The following FBXL5 variants were observed in gnomAD, a reference collection of about 807,000 sequenced individuals.
FBXL5 encodes the protein F-box and leucine rich repeat protein 5.
A neutral mutation model predicts 78.3 loss-of-function variants in FBXL5; 26 were observed. The observed-to-expected ratio is 0.33, with a 90% CI of 0.24 to 0.46. FBXL5 has a LOEUF of 0.46. Among genes scored for constraint, FBXL5 ranks in the 20% least tolerant of loss-of-function variants. The pLI is 1.00. For synonymous variants in FBXL5, 295 were observed against 282.5 expected, an observed-to-expected ratio of 1.04 and a Z score of -0.45; for missense variants, 710 against 829.2, an observed-to-expected ratio of 0.86 and a Z score of 1.77.
At chr4:15,676,593 A>G (rs1167802121) in intron 1 of FBXL5, among the ~76,000 whole-genome samples, 3 of 152,166 alleles carry the variant, frequency 2.0e-5, no homozygotes, top group Non-Finnish European at 4.4e-5. Flanking sequence ...AACACTCAAT[A>G]TTAGATATTA....
chr4:15,651,003 C>G (rs1236477311), intron 1 of FBXL5, among the ~76,000 whole-genome samples: 3 of 152,066 alleles, frequency 2.0e-5, no homozygotes, highest in Non-Finnish European at 2.9e-5. Flanking sequence ...AACTGATTCT[C>G]AAAAGTGGTA....
intron 1 of FBXL5, among the ~76,000 whole-genome samples, chr4:15,670,914 CTTTTTTTTTTTTT>C (rs57312794): frequency 2.6e-4 from 14 of 54,144 alleles, no homozygotes; most frequent in African/African-American, 1.1e-3. Context: ...TGTGCGTAGA[CTTTTTTTTTTTTT>C]TTTTTTTTTT....
At chr4:15,657,106 CT>C (rs1717023813), upstream of FBXL5, among the ~76,000 whole-genome samples, 1 of 152,178 alleles carries the variant, frequency 6.6e-6, no homozygotes, top group Admixed American at 6.5e-5. Flanking sequence ...GTTTCTCGTT[CT>C]TTTGCCAGGA....
chr4:15,679,562 C>CA (rs1202369624), intron 1 of FBXL5, among the ~76,000 whole-genome samples: 16,022 of 94,222 alleles, frequency 0.17, 983 homozygotes, highest in African/African-American at 0.25. Flanking sequence ...AGTTCAGGAA[C>CA]AAAAAAAAAA....
At chr4:15,655,911 C>G (rs2148742943), upstream of FBXL5, among the ~76,000 whole-genome samples, 1 of 152,348 alleles carries the variant, frequency 6.6e-6, no homozygotes, top group South Asian at 2.1e-4. Context: ...GGTTGGTGAA[C>G]CAGAGCTGCG....
Position 15,618,177 on chromosome 4 carries a change from C to T in FBXL5, c.1851-5763G>A, listed in dbSNP as rs796117247. On this transcript the variant is annotated intron_variant, in intron 9 of 10. Coordinates refer to ENST00000341285, the MANE Select transcript of FBXL5 (RefSeq NM_012161.4). ...GCTAGATTAAGAAAAAAAGAGAAGA[C>T]ACAAATTACCAAAGTCAGAAATGAA... Among the ~76,000 whole-genome samples the T allele has an allele frequency of 4.6e-5, 7 of 151,970 alleles. 1 individual carries two copies. The highest frequency in any genetic ancestry group is 1.7e-4 in the African/African-American group (7 of 41,372).
Position 15,627,709 on chromosome 4 carries a change from G to C in FBXL5, c.1041+176C>G, listed in dbSNP as rs541483523. Among the ~76,000 whole-genome samples the C allele has an allele frequency of 2.0e-5, 3 of 152,284 alleles. No individual in the cohort carries two copies. In the East Asian group the frequency reaches 5.8e-4, roughly 29 times the overall value. On this transcript the variant is annotated intron_variant, in intron 7 of 10. Transcript: ENST00000341285. The stretch of plus-strand genomic sequence containing the variant: ...TAATGATAATTATGCTACAAAGATT[G>C]TTGTGAGAACTGCAATGAAATAATA...
chr4:15,635,394 G>A (rs1714150351), intron 5 of FBXL5, among the ~76,000 whole-genome samples: 1 of 151,312 alleles, frequency 6.6e-6, no homozygotes, highest in Non-Finnish European at 1.5e-5. Flanking sequence ...TCAGACTCAT[G>A]ATTTAAATCA....
intron 1 of FBXL5, among the ~76,000 whole-genome samples, chr4:15,670,297 T>C (rs1383165431): frequency 6.6e-6 from 1 of 152,222 alleles, no homozygotes; most frequent in African/African-American, 2.4e-5. Context: ...AAAGGCTAGA[T>C]CATACGTATG....
At chr4:15,619,490 T>C (rs909783887) in intron 9 of FBXL5, among the ~76,000 whole-genome samples, 2 of 152,076 alleles carry the variant, frequency 1.3e-5, no homozygotes, top group African/African-American at 2.4e-5. Flanking sequence ...AAACTAGAAA[T>C]AGACAGGAAC....
intron 3 of FBXL5, among the ~76,000 whole-genome samples, chr4:15,639,801 C>A (rs763294777): frequency 1.8e-4 from 28 of 152,082 alleles, no homozygotes; most frequent in African/African-American, 6.8e-4. Context: ...AAAATACTAT[C>A]GGGGTTTCTT....
At chr4:15,608,055 G>A (rs1722002885) in intron 10 of FBXL5, among the ~76,000 whole-genome samples, 1 of 152,064 alleles carries the variant, frequency 6.6e-6, no homozygotes, top group African/African-American at 2.4e-5. Context: ...ACTATTTGAG[G>A]ACTTCCTGTA....
intron 1 of FBXL5, among the ~76,000 whole-genome samples, chr4:15,647,086 G>A (rs1272023547): frequency 6.6e-6 from 1 of 151,428 alleles, no homozygotes; most frequent in Non-Finnish European, 1.5e-5. Flanking sequence ...AGCAGGGAGT[G>A]GTGGTGTGCA....
chr4:15,678,867 CACTCT>C (rs1718091001), intron 1 of FBXL5, among the ~76,000 whole-genome samples: 1 of 152,076 alleles, frequency 6.6e-6, no homozygotes, highest in South Asian at 2.1e-4. Flanking sequence ...TTCTGTTTCT[CACTCT>C]ACTGTTGGTT....
At chr4:15,611,819 C>T (rs370091172) in intron 10 of FBXL5, among the ~76,000 whole-genome samples, 3 of 152,186 alleles carry the variant, frequency 2.0e-5, no homozygotes, top group African/African-American at 7.2e-5. Context: ...CTCTGGAAGT[C>T]CACATTACCA....
intron 1 of FBXL5, among the ~76,000 whole-genome samples, chr4:15,673,859 A>G (rs1052115653): frequency 3.9e-5 from 6 of 152,142 alleles, no homozygotes; most frequent in African/African-American, 1.4e-4. Context: ...TCCCTGTACT[A>G]TGGCTTAGAA....
intron 10 of FBXL5, among the ~76,000 whole-genome samples, chr4:15,609,007 T>C (rs530973821): frequency 4.7e-4 from 71 of 152,264 alleles, no homozygotes; most frequent in African/African-American, 1.5e-3. Context: ...AGAAGGACTG[T>C]TCAGAGAAGT....
chr4:15,654,763 G>A (rs1716629243), intron 1 of FBXL5, among the ~76,000 whole-genome samples: 1 of 152,200 alleles, frequency 6.6e-6, no homozygotes, highest in African/African-American at 2.4e-5. Flanking sequence ...GAACAGGCCC[G>A]GGGGAGTGAC....
Position 15,612,263 on chromosome 4 carries a change from T to C in FBXL5, c.1999+3A>G, listed in dbSNP as rs1222241837. The C allele has an allele frequency of 2.5e-6, 4 of 1,571,848 alleles. No homozygotes were observed. The highest frequency in any genetic ancestry group is 1.5e-5 in the African/African-American group (1 of 64,570). On this transcript the variant is annotated splice_donor_region_variant and intron_variant, in intron 10 of 10. Coordinates refer to ENST00000341285, the MANE Select transcript of FBXL5 (RefSeq NM_012161.4). The stretch of plus-strand genomic sequence containing the variant: ...AAATTATCGCACTGTTAAAAGGCAT[T>C]ACCGTTAATGTTGTCACAGTAGTAA...
Sources: gnomAD v4.1 joint callset for allele counts (sites outside exome capture counted in the v4.1 genomes callset) on GRCh38, gnomAD v4.1.1 for gene constraint, MANE v1.5 for transcripts, NCBI Gene and HGNC (gene_info 2026-07-23, HGNC 2026-07-21) for gene names.